Variants in RD3 observed in about 807,000 individuals in gnomAD.
RD3 encodes protein RD3.
Under a neutral mutation model 16.9 loss-of-function variants are expected in RD3, and 11 were observed. The ratio of observed to expected loss-of-function variants is 0.65; its 90% CI spans 0.41 to 1.08. RD3 has a LOEUF of 1.08. Ranked by LOEUF, RD3 falls within the 50% of genes least tolerant of loss-of-function variation. The pLI, the probability that RD3 is intolerant of heterozygous loss-of-function variation, is 0.00. For missense variants in RD3, 274 were observed against 267.4 expected (o/e 1.02, Z -0.17); for synonymous variants, 116 against 114.8 (o/e 1.01, Z -0.07).
In RD3 at chr1:211,477,924, C is replaced by G; in HGVS notation, c.*1112G>C. 2.5e-6 allele frequency: 1 copy of G among 393,588 alleles called. No individual in the cohort carries two copies. Among genetic ancestry groups the G allele is most frequent in the East Asian group, 3.6e-5 (1 of 27,732 alleles). The allele number at this position is 393,588 out of a possible 1,614,324, so 24.4% of individuals were successfully genotyped here. On this transcript the variant is annotated 3_prime_UTR_variant, in exon 3 of 3. Coordinates refer to ENST00000680073, the MANE Select transcript of RD3 (RefSeq NM_001164688.2). The stretch of plus-strand genomic sequence containing the variant: ...CCAGATTTTCCATGGGTGATCCACA[C>G]ATTGGGTAATCCACATGCCCATCAT...
In RD3 at chr1:211,479,310, G is replaced by C; in HGVS notation, c.314C>G (p.Ala105Gly). ...CTCCTGCACCTCGGGCTCCTGCTCC[G>C]CCAGCAGCTGCCGGAACCTGGGCGG... ...PAILRFRQLLAEQEPEVQEVS... is the reference protein window; with the variant it reads ...PAILRFRQLLGEQEPEVQEVS... The change falls in exon 3 of 3, where the codon GCG becomes GGG. Residue 105 changes from alanine to glycine, a missense_variant. Coordinates refer to ENST00000680073, the MANE Select transcript of RD3 (RefSeq NM_001164688.2). 1 of 1,603,110 alleles carries C rather than the reference G, an allele frequency of 6.2e-7. No homozygotes were observed. The highest frequency in any genetic ancestry group is 8.5e-7 in the Non-Finnish European group (1 of 1,175,110).
At chr1:211,484,328 C>G (rs1352304382) in intron 1 of RD3, among the ~76,000 whole-genome samples, 1 of 152,216 alleles carries the variant, frequency 6.6e-6, no homozygotes, top group Non-Finnish European at 1.5e-5. Flanking sequence ...GAAGCTATAA[C>G]AGTTGGATCA....
At chr1:211,491,197 G>A (rs1705482998) in intron 1 of RD3, among the ~76,000 whole-genome samples, 1 of 152,144 alleles carries the variant, frequency 6.6e-6, no homozygotes, top group South Asian at 2.1e-4. Flanking sequence ...ATCTGCCTGG[G>A]CCCACTCTCC....
chr1:211,478,781 A>C lies in RD3; in HGVS notation c.*255T>G. The C allele has an allele frequency of 2.0e-6, 1 of 498,012 alleles. No individual in the cohort carries two copies. The allele number at this position is 498,012 out of a possible 1,614,324, so 30.8% of individuals were successfully genotyped here. ...AAAACCTTGAATCTGCCAGTTAGGG[A>C]AGGGGCTGCTCCTGCAGACTAGCGC... On this transcript the variant is annotated 3_prime_UTR_variant, in exon 3 of 3. Coordinates refer to ENST00000680073, the MANE Select transcript of RD3 (RefSeq NM_001164688.2).
chr1:211,487,279 A>C lies in RD3; in HGVS notation c.-12+4489T>G, dbSNP rs868862928. Among the ~76,000 whole-genome samples the C allele has an allele frequency of 3.9e-5, 6 of 152,172 alleles. No homozygotes were observed. In the South Asian group the frequency reaches 8.3e-4, roughly 21 times the overall value. On this transcript the variant is annotated intron_variant, in intron 1 of 2. Transcript: ENST00000680073. ...TTCTCCCTAGTAATCCTCTCACCAG[A>C]ACTGCTGTTCTCCCCCTCCCATAAC...
At position 211,481,394 on chromosome 1, in the gene RD3, G is replaced by A. The variant is rs142307843; in HGVS notation, c.22C>T (p.Arg8Trp). The A allele has an allele frequency of 9.9e-6, 16 of 1,612,908 alleles. No homozygotes were observed. Among genetic ancestry groups the A allele is most frequent in the Admixed American group, 5.0e-5 (3 of 60,008 alleles). ...AGCCGGGATGGGGCCTCGTTCCACCGAAGCCATGAGATGAGAGACATAGCC... is the reference window on the plus strand; with the variant it reads ...AGCCGGGATGGGGCCTCGTTCCACCAAAGCCATGAGATGAGAGACATAGCC... MSLISWLRWNEAPSRLST... is the reference protein window; with the variant it reads MSLISWLWWNEAPSRLST... The change falls in exon 2 of 3, where the codon CGG becomes TGG. Residue 8 changes from arginine (R) to tryptophan (W), a missense_variant. Physicochemically the swap from Arg to Trp is moderately radical, Grantham distance 101 (BLOSUM62 -3). Coordinates refer to ENST00000680073, the MANE Select transcript of RD3 (RefSeq NM_001164688.2).
chr1:211,491,123 A>T (rs984541471), intron 1 of RD3, among the ~76,000 whole-genome samples: 3 of 152,136 alleles, frequency 2.0e-5, no homozygotes, highest in Admixed American at 6.5e-5. Context: ...ACTGACCCTC[A>T]TCCCTTGGTC....
chr1:211,488,596 G>A (rs1705423436), intron 1 of RD3, among the ~76,000 whole-genome samples: 1 of 151,248 alleles, frequency 6.6e-6, no homozygotes, highest in African/African-American at 2.4e-5. Flanking sequence ...GGAGACAGAT[G>A]ACCAAATGCA....
chr1:211,486,869 C>A (rs976685330), intron 1 of RD3, among the ~76,000 whole-genome samples: 1 of 152,122 alleles, frequency 6.6e-6, no homozygotes, highest in Non-Finnish European at 1.5e-5. Context: ...AAAAAGAAAA[C>A]TATCTGTGGA....
Position 211,479,091 on chromosome 1 carries a change from G to T in RD3, c.533C>A (p.Pro178Gln). 1 of 1,610,814 alleles carries T rather than the reference G, an allele frequency of 6.2e-7. No individual in the cohort carries two copies. The highest frequency in any genetic ancestry group is 1.7e-5 in the Admixed American group (1 of 59,918). ...CATGCTCCAGGACCGCAGTGGCGGCGGTGTGTCCCGCTCCACGTCCTCGGA... is the reference window on the plus strand; with the variant it reads ...CATGCTCCAGGACCGCAGTGGCGGCTGTGTGTCCCGCTCCACGTCCTCGGA... ...TISEDVERDT[P>Q]PPLRSWSMPE... Residue 178 changes from proline (P) to glutamine (Q), a missense_variant, in exon 3 of 3, where the codon CCG becomes CAG. Pro to Gln is a moderately conservative substitution (Grantham distance 76). Transcript: ENST00000680073.
intron 1 of RD3, among the ~76,000 whole-genome samples, chr1:211,484,927 G>A (rs1339798100): frequency 9.2e-5 from 14 of 152,242 alleles, no homozygotes; most frequent in African/African-American, 2.7e-4. Flanking sequence ...CTGCTCAGTG[G>A]CCCCTTCTGT....
At chr1:211,491,673 C>G (rs1342042729) in intron 1 of RD3, 95 bp downstream of exon 1, 3 of 152,328 alleles carry the variant, frequency 2.0e-5, no homozygotes, top group African/African-American at 4.8e-5. Flanking sequence ...GGCCACCCCA[C>G]CCAGCTTCAA....
chr1:211,482,844 C>A (rs142661009), intron 1 of RD3, among the ~76,000 whole-genome samples: 2 of 151,788 alleles, frequency 1.3e-5, no homozygotes, highest in Non-Finnish European at 2.9e-5. Flanking sequence ...CCCTCCAAGC[C>A]GTTCCCCCTT....
rs1198292238 is a variant in RD3, at chr1:211,478,487, AAG to A, written c.*547_*548del. ...CCTCAAGTTCCACATTTACTAGCTGAAGAGAGTGGATCTAAATGTCTCTCTGG... is the reference window on the plus strand; with the variant it reads ...CCTCAAGTTCCACATTTACTAGCTGAAGAGTGGATCTAAATGTCTCTCTGG... On this transcript the variant is annotated 3_prime_UTR_variant, in exon 3 of 3. Transcript: ENST00000680073. The A allele has an allele frequency of 3.6e-6, 1 of 281,652 alleles. No homozygotes were observed. Among genetic ancestry groups the A allele is most frequent in the African/African-American group, 2.2e-5 (1 of 45,890 alleles). 17.4% of individuals were successfully genotyped at this position (281,652 alleles called of 1,614,324 possible). A position where few individuals can be genotyped will look rare whatever the true frequency, so the allele number is the denominator to read the frequency against.
chr1:211,479,396 C>T, intron 2 of RD3, 69 bp from the exon 3 acceptor site: 1 of 1,443,386 alleles, frequency 6.9e-7, no homozygotes, highest in Non-Finnish European at 9.3e-7. Flanking sequence ...GGGCGTCTAA[C>T]CCCGAGGGGC....
chr1:211,481,061 AC>A, intron 2 of RD3, 58 bp downstream of exon 2: 1 of 1,581,324 alleles, frequency 6.3e-7, no homozygotes, highest in East Asian at 2.3e-5. Flanking sequence ...GGCCCCTGCC[AC>A]TGCAGCCACC....
chr1:211,481,367 A>G lies in RD3; in HGVS notation c.49T>C (p.Ser17Pro). Reference sequence around the variant, plus strand: ...ACCATCTCAGCAGGGCTCCTGGTGGACAGCCGGGATGGGGCCTCGTTCCAC... The same window carrying G: ...ACCATCTCAGCAGGGCTCCTGGTGGGCAGCCGGGATGGGGCCTCGTTCCAC... ...LRWNEAPSRL[S>P]TRSPAEMVLE... The change falls in exon 2 of 3, where the codon TCC (serine) becomes CCC (proline). Residue 17 changes from serine to proline, a missense_variant. Physicochemically the swap from Ser to Pro is moderately conservative, Grantham distance 74. Coordinates refer to ENST00000680073, the MANE Select transcript of RD3 (RefSeq NM_001164688.2). The G allele has an allele frequency of 3.1e-6, 5 of 1,613,854 alleles. No individual in the cohort carries two copies. The highest frequency in any genetic ancestry group is 4.2e-6 in the Non-Finnish European group (5 of 1,180,040).
In RD3 at chr1:211,487,560, T is replaced by A. The variant is rs189381256; in HGVS notation, c.-12+4208A>T. Among the ~76,000 whole-genome samples the A allele has an allele frequency of 3.9e-5, 6 of 152,320 alleles. No homozygotes were observed. The East Asian group carries it at 9.6e-4, about 24-fold the overall frequency. On this transcript the variant is annotated intron_variant, in intron 1 of 2. Transcript: ENST00000680073. ...GATATTTATCACACTTTTCTGCATG[T>A]TTATGCATATTCAAGTTTAAAAGTT...
rs1705177168 is a variant in RD3 at position 211,477,906 on chromosome 1, T to G, written c.*1130A>C. 1 of 391,888 alleles carries G rather than the reference T, an allele frequency of 2.6e-6. No individual in the cohort carries two copies. The highest frequency in any genetic ancestry group is 1.4e-4 in the South Asian group (1 of 6,960). 24.3% of individuals were successfully genotyped at this position (391,888 alleles called of 1,614,324 possible). On this transcript the variant is annotated 3_prime_UTR_variant, in exon 3 of 3. Transcript: ENST00000680073. ...GGAAGGCCTCCTGGCCTTCCAGATT[T>G]TCCATGGGTGATCCACACATTGGGT...
Sources: allele counts gnomAD v4.1 joint callset (sites outside exome capture counted in the v4.1 genomes callset), GRCh38; gene constraint gnomAD v4.1.1; transcripts MANE v1.5; gene names NCBI Gene and HGNC (gene_info 2026-07-23, HGNC 2026-07-21).